PCDH15: variants seen among roughly 807,000 people sequenced by gnomAD.
PCDH15 encodes the protein protocadherin related 15, also known as protocadherin-15.
In PCDH15, 129 loss-of-function variants were observed where a neutral mutation model predicts 178.5. The ratio of observed to expected loss-of-function variants is 0.72; its 90% CI spans 0.63 to 0.84. The LOEUF (loss-of-function observed/expected upper bound fraction) is 0.84. Among genes scored for constraint, PCDH15 ranks in the 40% least tolerant of loss-of-function variants. The pLI, the probability that PCDH15 is intolerant of heterozygous loss-of-function variation, is 0.00. For synonymous variants in PCDH15, 800 were observed against 732.0 expected (o/e 1.09, Z -1.50); for missense variants, 2,230 against 2,099.9 (o/e 1.06, Z -1.21).
rs557982246 is a variant in PCDH15, at chr10:54,215,643, G to A, written c.986-1595C>T. On this transcript the variant is annotated intron_variant, in intron 9 of 37. Transcript: ENST00000644397. ...CCTAACTATGGCTCAAAGTCAAGAAGTCAGGAAGAAAAAGAGATAAGTTTA... is the reference window on the plus strand; with the variant it reads ...CCTAACTATGGCTCAAAGTCAAGAAATCAGGAAGAAAAAGAGATAAGTTTA... Among the ~76,000 whole-genome samples, 4 of 152,284 alleles carry A rather than the reference G, an allele frequency of 2.6e-5. No individual in the cohort carries two copies. The South Asian group carries it at 8.3e-4, about 32-fold the overall frequency.
At chr10:54,519,096 G>C (rs966481210) in intron 3 of PCDH15, among the ~76,000 whole-genome samples, 25 of 152,100 alleles carry the variant, frequency 1.6e-4, no homozygotes, top group African/African-American at 6.0e-4. Context: ...CAAACCCACA[G>C]CCAACATCAT....
intron 2 of PCDH15, among the ~76,000 whole-genome samples, chr10:55,378,877 A>ATCTCTC (rs67020951): frequency 0.012 from 1,468 of 124,152 alleles, 8 homozygotes; most frequent in Admixed American, 0.015. Context: ...AACTCTCCCC[A>ATCTCTC]TCTCTCTCTC....
At chr10:54,516,577 C>T (rs1218387425) in intron 3 of PCDH15, among the ~76,000 whole-genome samples, 23 of 152,194 alleles carry the variant, frequency 1.5e-4, no homozygotes, top group African/African-American at 5.3e-4. Context: ...ACCAAATCTA[C>T]GTCTGACTGG....
intron 8 of PCDH15, among the ~76,000 whole-genome samples, chr10:54,283,710 C>T (rs1338875517): frequency 6.6e-6 from 1 of 152,058 alleles, no homozygotes; most frequent in Non-Finnish European, 1.5e-5. Flanking sequence ...AAAAATTAGA[C>T]ACTTAGCATT....
At chr10:54,176,459 T>G (rs1590972850) in intron 13 of PCDH15, among the ~76,000 whole-genome samples, 1 of 152,166 alleles carries the variant, frequency 6.6e-6, no homozygotes, top group South Asian at 2.1e-4. Context: ...GGATCAAACC[T>G]TCAACCTGAG....
At chr10:54,280,368 T>A (rs11004201) in intron 8 of PCDH15, among the ~76,000 whole-genome samples, 9 of 150,956 alleles carry the variant, frequency 6.0e-5, no homozygotes, top group African/African-American at 1.7e-4. Flanking sequence ...GGTGTCTCTA[T>A]CTTAAAAGAT....
At position 54,752,488 on chromosome 10, in the gene PCDH15, AAAACAAAAAACAAAAAAC is replaced by A. The variant is rs1566127266; in HGVS notation, c.-29+48419_-29+48436del. On this transcript the variant is annotated intron_variant, in intron 1 of 37. Transcript: ENST00000644397. ...CGAGACTCCGTCTCAAAAAAAAAAA[AAAACAAAAAACAAAAAAC>A]AAAAAACAAACAAACAAACAAACAA... Among the ~76,000 whole-genome samples the A allele has an allele frequency of 8.7e-5, 8 of 92,006 alleles. 1 individual carries two copies. Among genetic ancestry groups the A allele is most frequent in the Admixed American group, 4.9e-4 (5 of 10,126 alleles). The allele number at this position is 92,006 out of a possible 152,430, so 60.4% of individuals were successfully genotyped here.
chr10:55,013,347 C>G (rs114338737), intron 2 of PCDH15, among the ~76,000 whole-genome samples: 1 of 152,076 alleles, frequency 6.6e-6, no homozygotes, highest in African/African-American at 2.4e-5. Context: ...CCAATTTTTC[C>G]TAAGATAAAA....
intron 2 of PCDH15, among the ~76,000 whole-genome samples, chr10:55,408,419 C>T (rs1301000475): frequency 1.3e-5 from 2 of 151,948 alleles, no homozygotes; most frequent in Non-Finnish European, 2.9e-5. Context: ...CTCCTGACCA[C>T]GTGATCCTCC....
rs116354585 is a variant in PCDH15, at chr10:54,457,628, T to A, written c.157+70184A>T. 6.8e-3 allele frequency among the ~76,000 whole-genome samples: 1,032 copies of A among 152,288 alleles called. 12 individuals are homozygous for A. The highest frequency in any genetic ancestry group is 0.024 in the African/African-American group (979 of 41,564). On this transcript the variant is annotated intron_variant, in intron 3 of 37. Transcript: ENST00000644397. ...TAAATGAAAGCTAATTTGCAATATGTTTCCATGGGAAAATTCTAGGCATAA... is the reference window on the plus strand; with the variant it reads ...TAAATGAAAGCTAATTTGCAATATGATTCCATGGGAAAATTCTAGGCATAA...
intron 1 of PCDH15, among the ~76,000 whole-genome samples, chr10:55,205,641 G>A (rs1254258848): frequency 3.3e-5 from 5 of 151,908 alleles, no homozygotes; most frequent in East Asian, 1.9e-4. Flanking sequence ...GTCAAGATTC[G>A]TAATATTACT....
At chr10:54,243,304 C>T (rs986187831) in intron 8 of PCDH15, among the ~76,000 whole-genome samples, 6 of 152,098 alleles carry the variant, frequency 3.9e-5, no homozygotes, top group Non-Finnish European at 8.8e-5. Flanking sequence ...GGTCAGGGAT[C>T]GAGATCATCC....
At chr10:54,408,052 C>CAAAAAAAAAAAA (rs71461239) in intron 3 of PCDH15, among the ~76,000 whole-genome samples, 4 of 83,714 alleles carry the variant, frequency 4.8e-5, no homozygotes, top group Non-Finnish European at 9.0e-5. Context: ...GAGACTCTGT[C>CAAAAAAAAAAAA]AAAAAAAAAA....
chr10:54,395,126 A>G (rs1009255319), intron 3 of PCDH15, among the ~76,000 whole-genome samples: 2 of 152,160 alleles, frequency 1.3e-5, no homozygotes, highest in African/African-American at 4.8e-5. Flanking sequence ...GGATTAAGAG[A>G]TTAAAGTAAA....
In PCDH15 at chr10:53,806,758, T is replaced by C. The variant is rs749510924; in HGVS notation, c.5044A>G (p.Asn1682Asp). Residue 1682 changes from asparagine (N) to aspartate (D), a missense_variant, in exon 38 of 38, where the codon AAT (asparagine) becomes GAT (aspartate). Transcript: ENST00000644397. The part of the protein sequence containing the change: ...TFAPCPVGTD[N>D]TAVKPLRNRL... Reference sequence around the variant, plus strand: ...TTCCTTAGTGGCTTCACCGCTGTATTGTCAGTCCCCACAGGGCAAGGGGCA... The same window carrying C: ...TTCCTTAGTGGCTTCACCGCTGTATCGTCAGTCCCCACAGGGCAAGGGGCA... 31 of 1,613,824 alleles carry C rather than the reference T, an allele frequency of 1.9e-5. No homozygotes were observed. In the South Asian group the frequency reaches 3.3e-4, roughly 17 times the overall value.
chr10:55,581,367 T>C (rs1200124819), intron 2 of PCDH15, among the ~76,000 whole-genome samples: 4 of 150,398 alleles, frequency 2.7e-5, no homozygotes, highest in Non-Finnish European at 6.0e-5. Flanking sequence ...TCTATTTAGA[T>C]TGAAAATGTT....
chr10:54,976,666 G>A (rs916115071), intron 2 of PCDH15, among the ~76,000 whole-genome samples: 1 of 152,176 alleles, frequency 6.6e-6, no homozygotes, highest in Admixed American at 6.5e-5. Flanking sequence ...AGGAGCAACT[G>A]GGGAAGTCAC....
At chr10:54,845,148 A>T (rs140603161) in intron 3 of PCDH15, among the ~76,000 whole-genome samples, 127 of 151,472 alleles carry the variant, frequency 8.4e-4, no homozygotes, top group African/African-American at 2.9e-3. Flanking sequence ...TTTTTTTTGC[A>T]ATGTGCTTAA....
intron 1 of PCDH15, among the ~76,000 whole-genome samples, chr10:54,753,324 C>T (rs1946594720): frequency 6.6e-6 from 1 of 152,044 alleles, no homozygotes; most frequent in South Asian, 2.1e-4. Context: ...GCTGGAATTA[C>T]AGGCGCATAC....
Sources: allele counts gnomAD v4.1 joint callset (sites outside exome capture counted in the v4.1 genomes callset), GRCh38; gene constraint gnomAD v4.1.1; transcripts MANE v1.5; gene names NCBI Gene and HGNC (gene_info 2026-07-23, HGNC 2026-07-21).